The following CCDC171 variants were observed in gnomAD, a reference collection of about 807,000 sequenced individuals.
The protein encoded by CCDC171 is coiled-coil domain containing 171.
CCDC171 carries 177 observed loss-of-function variants against 168.2 expected under a neutral mutation model. The ratio of observed to expected loss-of-function variants is 1.05; its 90% CI spans 0.93 to 1.19. CCDC171 has a LOEUF of 1.19. CCDC171 is among the 50% of genes most tolerant of loss of function. CCDC171 has a pLI of 0.00. For missense variants in CCDC171, 1,991 were observed against 1,539.0 expected (o/e 1.29, Z -4.91); for synonymous variants, 687 against 540.8 (o/e 1.27, Z -3.75).
At chr9:15,756,876 C>G (rs1214049853) in intron 18 of CCDC171, among the ~76,000 whole-genome samples, 1 of 152,180 alleles carries the variant, frequency 6.6e-6, no homozygotes. Flanking sequence ...GCTTCATTCT[C>G]CTTCTCTTTC....
Position 15,882,884 on chromosome 9 carries a change from G to A in CCDC171, c.3600+8221G>A, listed in dbSNP as rs1818836347. Among the ~76,000 whole-genome samples the A allele has an allele frequency of 3.3e-5, 5 of 151,008 alleles. No individual in the cohort carries two copies. The Admixed American group carries it at 3.3e-4, about 10-fold the overall frequency. The stretch of plus-strand genomic sequence containing the variant: ...TATTTGTTTGTTTGATGGTGGTGGA[G>A]GGGGGATGCATCAGATTTTTAGGAC... On this transcript the variant is annotated intron_variant, in intron 24 of 25. Transcript: ENST00000380701.
At chr9:15,621,723 A>C (rs1001802023) in intron 6 of CCDC171, among the ~76,000 whole-genome samples, 2 of 152,226 alleles carry the variant, frequency 1.3e-5, no homozygotes, top group African/African-American at 4.8e-5. Context: ...CAATGTGGCG[A>C]TTCCTCAAAG....
intron 1 of CCDC171, among the ~76,000 whole-genome samples, chr9:16,053,834 C>T (rs1833791013): frequency 6.6e-6 from 1 of 152,210 alleles, no homozygotes; most frequent in African/African-American, 2.4e-5. Context: ...ACAACTATTC[C>T]ACTAGAAGGC....
In CCDC171 at chr9:15,590,537, G is replaced by T. The variant is rs2041899821; in HGVS notation, c.353-829G>T. Among the ~76,000 whole-genome samples, 3 of 152,176 alleles carry T rather than the reference G, an allele frequency of 2.0e-5. No individual in the cohort carries two copies. In the South Asian group the frequency reaches 6.2e-4, roughly 32 times the overall value. On this transcript the variant is annotated intron_variant, in intron 4 of 25. Transcript: ENST00000380701. ...AGTGTGTTGATAGGTGTTGGTTATT[G>T]TTGAGGTAATCGGGTAGGAGGTGAG...
intron 24 of CCDC171, among the ~76,000 whole-genome samples, chr9:15,905,216 T>C (rs1221951491): frequency 1.3e-5 from 2 of 152,140 alleles, no homozygotes; most frequent in African/African-American, 4.8e-5. Flanking sequence ...CAACAGAATA[T>C]ACATTCTTCT....
intron 23 of CCDC171, among the ~76,000 whole-genome samples, chr9:15,871,726 C>G (rs1335676895): frequency 1.3e-5 from 2 of 151,872 alleles, no homozygotes; most frequent in South Asian, 2.1e-4. Flanking sequence ...TGTTGAATCT[C>G]CCTGTTGACA....
intron 18 of CCDC171, among the ~76,000 whole-genome samples, chr9:15,766,215 A>T (rs919288707): frequency 4.6e-5 from 7 of 152,086 alleles, no homozygotes; most frequent in Non-Finnish European, 8.8e-5. Flanking sequence ...GTGCATATGA[A>T]GCTCCTGCTG....
At chr9:15,875,135 T>C (rs2131246433) in intron 24 of CCDC171, 1 of 152,252 alleles carries the variant, frequency 6.6e-6, no homozygotes, top group East Asian at 1.9e-4. Flanking sequence ...TCTTATGAAG[T>C]AATTTAATTT....
chr9:16,061,654 C>T (rs1419791570), downstream of CCDC171: 1 of 152,188 alleles, frequency 6.6e-6, no homozygotes, highest in Non-Finnish European at 1.5e-5. Context: ...AAATAACTGC[C>T]TTTATTGAAC....
chr9:16,041,344 A>G (rs1011747916), upstream of CCDC171, among the ~76,000 whole-genome samples: 3 of 152,220 alleles, frequency 2.0e-5, no homozygotes, highest in Non-Finnish European at 4.4e-5. Flanking sequence ...AGGAAATAAA[A>G]TGAAGGAGCT....
At chr9:15,858,668 T>C (rs1244926026) in intron 23 of CCDC171, among the ~76,000 whole-genome samples, 1 of 152,090 alleles carries the variant, frequency 6.6e-6, no homozygotes, top group Non-Finnish European at 1.5e-5. Context: ...TTTGATGTGG[T>C]TATAAGTGTG....
intron 11 of CCDC171, among the ~76,000 whole-genome samples, chr9:15,701,209 A>T (rs2051707473): frequency 6.6e-6 from 1 of 151,990 alleles, no homozygotes. Flanking sequence ...CACTCTGTTG[A>T]TTGTTTCCTT....
intron 21 of CCDC171, among the ~76,000 whole-genome samples, chr9:15,789,765 CGACAGT>C (rs2058155080): frequency 7.9e-6 from 1 of 126,476 alleles, no homozygotes; most frequent in Non-Finnish European, 1.6e-5. Context: ...CCCCACCCTA[CGACAGT>C]CCCCGGTGTG....
intron 2 of CCDC171, among the ~76,000 whole-genome samples, chr9:15,566,587 T>C (rs1338367761): frequency 6.6e-6 from 1 of 152,184 alleles, no homozygotes; most frequent in East Asian, 1.9e-4. Flanking sequence ...AAATAAGATA[T>C]ATGATATGCA....
intron 21 of CCDC171, among the ~76,000 whole-genome samples, chr9:15,787,872 T>G (rs374022774): frequency 6.6e-6 from 1 of 152,332 alleles, no homozygotes; most frequent in East Asian, 1.9e-4. Flanking sequence ...AAAATTTTTA[T>G]AAGCATATTG....
At chr9:15,631,921 A>C (rs1387221418) in intron 7 of CCDC171, among the ~76,000 whole-genome samples, 1 of 152,182 alleles carries the variant, frequency 6.6e-6, no homozygotes, top group East Asian at 1.9e-4. Flanking sequence ...GACAAAAACC[A>C]CATGATTATC....
the CCDC171 span, among the ~76,000 whole-genome samples, chr9:16,099,280 C>A: frequency 6.6e-6 from 1 of 152,182 alleles, no homozygotes; most frequent in African/African-American, 2.4e-5. Flanking sequence ...GGGGTGCACC[C>A]TGTTCCCCCT....
intron 6 of CCDC171, among the ~76,000 whole-genome samples, chr9:15,604,886 G>A (rs2131720420): frequency 6.6e-6 from 1 of 152,242 alleles, no homozygotes; most frequent in African/African-American, 2.4e-5. Flanking sequence ...ACAGATGGAT[G>A]CAAAATATTA....
chr9:16,009,116 A>G (rs1383102678), intron 3 of CCDC171, among the ~76,000 whole-genome samples: 1 of 152,132 alleles, frequency 6.6e-6, no homozygotes, highest in Non-Finnish European at 1.5e-5. Flanking sequence ...TTTCTCTATT[A>G]TTATGGAGAA....
Sources: allele counts gnomAD v4.1 joint callset (sites outside exome capture counted in the v4.1 genomes callset), GRCh38; gene constraint gnomAD v4.1.1; transcripts MANE v1.5; gene names NCBI Gene and HGNC (gene_info 2026-07-23, HGNC 2026-07-21).